Variants in PKD1 observed in about 807,000 individuals in gnomAD.
The protein encoded by PKD1 is polycystin-1.
Under a neutral mutation model 361.7 loss-of-function variants are expected in PKD1, and 81 were observed. The observed-to-expected ratio is 0.22, with a 90% CI of 0.19 to 0.27. The LOEUF is 0.27. Ranked by LOEUF, PKD1 falls within the 10% of genes least tolerant of loss-of-function variation. The pLI, the probability that PKD1 is intolerant of heterozygous loss-of-function variation, is 1.00. For synonymous variants in PKD1, 3,615 were observed against 2,818.3 expected (o/e 1.28, Z -8.95); for missense variants, 6,399 against 6,118.3 (o/e 1.05, Z -1.53).
Position 2,097,514 on chromosome 16 carries a change from C to T in PKD1, c.10221-11G>A, listed in dbSNP as rs771532442. On this transcript the variant is annotated splice_polypyrimidine_tract_variant and intron_variant, in intron 32 of 45. Transcript: ENST00000262304. ...GGCCAGCACACCAGACTGCAGGTGG[C>T]GCGGGTCAGCAAGGTACCAGGGGAT... 1.1e-5 allele frequency: 17 copies of T among 1,601,202 alleles called. No homozygotes were observed. The highest frequency in any genetic ancestry group is 4.5e-5 in the East Asian group (2 of 44,888).
intron 14 of PKD1, 141 bp from the exon 15 acceptor site, chr16:2,112,012 A>G: frequency 1.1e-6 from 1 of 889,420 alleles, no homozygotes; most frequent in Admixed American, 2.1e-5. Flanking sequence ...CTCCCAAGCC[A>G]CGTGCGGGAC....
intron 10 of PKD1, 196 bp from the exon 11 acceptor site, chr16:2,115,121 A>C: frequency 1.0e-6 from 1 of 971,388 alleles, no homozygotes; most frequent in Non-Finnish European, 1.2e-6. Flanking sequence ...ACACAGGCCA[A>C]GACCTGGCAG....
In PKD1 at chr16:2,100,479, C is replaced by T. The variant is rs1189208643; in HGVS notation, c.9485G>A (p.Arg3162His). The stretch of plus-strand genomic sequence containing the variant: ...GATCCGGAAGATGTCCAGGCTGTTG[C>T]GGTGGAAGGCTCTGTCGCCGTCCAG... ...RHLDGDRAFH[R>H]NSLDIFRIAT... is the part of the protein sequence containing the mutation. The change falls in exon 27 of 46, where the codon CGC becomes CAC. Residue 3162 changes from arginine (R) to histidine (H), a missense_variant. Transcript: ENST00000262304. The surrounding 1 kb of genome is among the most constrained non-coding windows in gnomAD (Gnocchi z 4.4). 8 of 1,610,484 alleles carry T rather than the reference C, an allele frequency of 5.0e-6. No individual in the cohort carries two copies. The highest frequency in any genetic ancestry group is 3.3e-5 in the Admixed American group (2 of 60,018).
In PKD1 at chr16:2,091,293, C is replaced by CCTGCGAGGGGGCGGGACG. The variant is rs1432545419; in HGVS notation, c.11712+112_11713-120dup. 95 of 351,026 alleles carry CCTGCGAGGGGGCGGGACG rather than the reference C, an allele frequency of 2.7e-4. 1 individual carries two copies. The Admixed American group carries it at 3.0e-3, about 11-fold the overall frequency. The allele number at this position is 351,026 out of a possible 1,614,324, so 21.7% of individuals were successfully genotyped here. A position where few individuals can be genotyped will look rare whatever the true frequency, so the allele number is the denominator to read the frequency against. On this transcript the variant is annotated intron_variant, in intron 42 of 45. Transcript: ENST00000262304. ...GGGCGGGACGCTGCCGGGGCGGGGC[C>CCTGCGAGGGGGCGGGACG]CTGCGAGGGGGCGGGACGCTGCGAG... is the stretch of plus-strand genomic sequence containing the variant.
intron 41 of PKD1, 23 bp downstream of exon 41, chr16:2,091,758 A>T: frequency 6.2e-7 from 1 of 1,608,884 alleles, no homozygotes; most frequent in Non-Finnish European, 8.5e-7. Flanking sequence ...CACCCCGGAG[A>T]GGGCAGGGGA....
chr16:2,119,836 T>C (rs2092692596), intron 1 of PKD1: 4 of 699,044 alleles, frequency 5.7e-6, no homozygotes, highest in Non-Finnish European at 1.0e-5. Flanking sequence ...CAGGTATGAC[T>C]GTGTGAGAAG....
rs552542784 is a variant in PKD1, at chr16:2,110,096, C to A, written c.5071G>T (p.Gly1691Cys). The A allele has an allele frequency of 6.2e-7, 1 of 1,609,586 alleles. No individual in the cohort carries two copies. The highest frequency in any genetic ancestry group is 1.3e-5 in the African/African-American group (1 of 74,976). Residue 1691 changes from glycine (G) to cysteine (C), a missense_variant, in exon 15 of 46, where the codon GGC becomes TGC. Gly to Cys is a radical substitution (Grantham distance 159). Coordinates refer to ENST00000262304, the MANE Select transcript of PKD1 (RefSeq NM_001009944.3). ...GCCCGCAGCTGCACATGGTAGGTGC[C>A]GGCCTCGAGCACGGTGAGCGAGAAG... The part of the protein sequence containing the change: ...KGFSLTVLEA[G>C]TYHVQLRATN...
intron 42 of PKD1, 22 bp from the exon 43 acceptor site, chr16:2,091,196 G>C (rs775249816): frequency 2.2e-6 from 3 of 1,357,426 alleles, no homozygotes; most frequent in Admixed American, 3.6e-5. Flanking sequence ...GCGGTCAGGA[G>C]GGCGGGAGGG....
Position 2,090,500 on chromosome 16 carries a change from C to G in PKD1, c.12229G>C (p.Ala4077Pro), listed in dbSNP as rs1225452472. ...PGTGLSTLCP[A>P]ESWHLSPLLC... Reference sequence around the variant, plus strand: ...AGGGGTGACAGGTGCCAGGACTCGGCAGGACACAGGGTAGAGAGCCCAGTC... The same window carrying G: ...AGGGGTGACAGGTGCCAGGACTCGGGAGGACACAGGGTAGAGAGCCCAGTC... The change falls in exon 45 of 46, where the codon GCC becomes CCC. Residue 4077 changes from alanine to proline, a missense_variant. Physicochemically the swap from Ala to Pro is conservative, Grantham distance 27. Coordinates refer to ENST00000262304, the MANE Select transcript of PKD1 (RefSeq NM_001009944.3). The G allele has an allele frequency of 6.2e-7, 1 of 1,611,362 alleles. No homozygotes were observed. The highest frequency in any genetic ancestry group is 1.3e-5 in the African/African-American group (1 of 74,888).
At chr16:2,120,666 C>T (rs762422558) in intron 1 of PKD1, among the ~76,000 whole-genome samples, 13 of 152,164 alleles carry the variant, frequency 8.5e-5, no homozygotes, top group Non-Finnish European at 1.8e-4. Flanking sequence ...TGTGCCACTG[C>T]AGTCCAGCCT....
rs1408815918 is a variant in PKD1 at position 2,114,281 on chromosome 16, T to C, written c.2742A>G (p.Glu914=). ...TGAGGTTGGCCCGGCTGGCGCTGTT[T>C]TCCACCACCACGTCCACCACGTGCT... ...EGEHVVDVVV[E]NSASRANLSL... The change falls in exon 11 of 46, where the codon GAA becomes GAG. Residue 914 remains glutamate (E), a synonymous_variant. Coordinates refer to ENST00000262304, the MANE Select transcript of PKD1 (RefSeq NM_001009944.3). The C allele has an allele frequency of 6.2e-7, 1 of 1,610,338 alleles. No homozygotes were observed.
In PKD1 at chr16:2,095,818, G is replaced by A. The variant is rs553129711; in HGVS notation, c.10499+1330C>T. 7.3e-4 allele frequency among the ~76,000 whole-genome samples: 111 copies of A among 152,320 alleles called. 1 individual carries two copies. Among genetic ancestry groups the A allele is most frequent in the Middle Eastern group, 3.4e-3 (1 of 294 alleles). ...GTCTGAGCTGCCGTCAGAAATCCCC[G>A]CGGAAGCACTGAATCTGGATTTCAC... On this transcript the variant is annotated intron_variant, in intron 34 of 45. Coordinates refer to ENST00000262304, the MANE Select transcript of PKD1 (RefSeq NM_001009944.3).
intron 1 of PKD1, among the ~76,000 whole-genome samples, chr16:2,121,801 A>AG (rs1430134049): frequency 6.6e-6 from 1 of 152,116 alleles, no homozygotes; most frequent in East Asian, 1.9e-4. Context: ...CAGGACCCCG[A>AG]GGCCTCACCT....
Position 2,091,469 on chromosome 16 carries a change from G to A in PKD1, c.11666C>T (p.Ala3889Val), listed in dbSNP as rs768290483. ...GAGGCCCGCGCTGAGGCGGCGCAGC[G>A]CAAAGGGGCGGACGCTGAGGGCGGC... is the stretch of plus-strand genomic sequence containing the variant. ...ALAALSVRPF[A>V]LRRLSAGLSL... The change falls in exon 42 of 46, where the codon GCG becomes GTG. Residue 3889 changes from alanine to valine, a missense_variant. Coordinates refer to ENST00000262304, the MANE Select transcript of PKD1 (RefSeq NM_001009944.3). 9.0e-6 allele frequency: 12 copies of A among 1,326,516 alleles called. No homozygotes were observed. Among genetic ancestry groups the A allele is most frequent in the Middle Eastern group, 2.8e-4 (1 of 3,526 alleles). 82.2% of individuals were successfully genotyped at this position (1,326,516 alleles called of 1,614,324 possible). A position where few individuals can be genotyped will look rare whatever the true frequency, so the allele number is the denominator to read the frequency against.
At chr16:2,122,788 G>T (rs867018994) in intron 1 of PKD1, among the ~76,000 whole-genome samples, 1 of 152,196 alleles carries the variant, frequency 6.6e-6, no homozygotes, top group Non-Finnish European at 1.5e-5. Context: ...CCTAAGGGGC[G>T]AGAGGTGCTG....
rs753414869 is a variant in PKD1, at chr16:2,097,348, T to A, written c.10376A>T (p.Tyr3459Phe). Residue 3459 changes from tyrosine to phenylalanine, a missense_variant, in exon 33 of 46, where the codon TAC (tyrosine) becomes TTC (phenylalanine). Physicochemically the swap from Tyr to Phe is conservative, Grantham distance 22. Coordinates refer to ENST00000262304, the MANE Select transcript of PKD1 (RefSeq NM_001009944.3). The stretch of plus-strand genomic sequence containing the variant: ...TGCTGAGAAGGATTTGGCAGGCGAG[T>A]AGGGGCTGGCCAGGGAGAAGCCGTC... The part of the protein sequence containing the change: ...EEDGFSLASP[Y>F]SPAKSFSASD... 6.2e-7 allele frequency: 1 copy of A among 1,612,408 alleles called. No homozygotes were observed. The highest frequency in any genetic ancestry group is 8.5e-7 in the Non-Finnish European group (1 of 1,179,970).
Position 2,103,744 on chromosome 16 carries a change from C to G in PKD1, c.8313G>C (p.Glu2771Asp). Reference sequence around the variant, plus strand: ...CCTCGCCCGCCAGCGTCAGGGGCTCCTCGTTGAGCACGCGGGAGCGCATGA... The same window carrying G: ...CCTCGCCCGCCAGCGTCAGGGGCTCGTCGTTGAGCACGCGGGAGCGCATGA... ...RILMRSRVLN[E>D]EPLTLAGEEI... Residue 2771 changes from glutamate to aspartate, a missense_variant, in exon 23 of 46, where the codon GAG becomes GAC. Transcript: ENST00000262304. 6.2e-7 allele frequency: 1 copy of G among 1,610,044 alleles called. No individual in the cohort carries two copies.
intron 16 of PKD1, 102 bp downstream of exon 16, chr16:2,107,781 G>A (rs978893495): frequency 8.3e-6 from 9 of 1,088,736 alleles, no homozygotes; most frequent in African/African-American, 1.6e-5. Flanking sequence ...ACAGAGAGGG[G>A]AGAGCGTGCG....
intron 22 of PKD1, among the ~76,000 whole-genome samples, chr16:2,104,283 G>GA: frequency 1.5e-5 from 1 of 68,042 alleles, no homozygotes; most frequent in East Asian, 5.2e-4. Flanking sequence ...GGGAAATGGA[G>GA]AAAAGGGGAG....
Sources: gnomAD v4.1 joint callset for allele counts (sites outside exome capture counted in the v4.1 genomes callset) on GRCh38, gnomAD v4.1.1 for gene constraint, Gnocchi (gnomAD v3.1) non-coding constraint, MANE v1.5 for transcripts, NCBI Gene and HGNC (gene_info 2026-07-23, HGNC 2026-07-21) for gene names.